The following CDK18 variants were observed in gnomAD, a reference collection of about 807,000 sequenced individuals.
The protein encoded by CDK18 is cyclin-dependent kinase 18.
A neutral mutation model predicts 62.0 loss-of-function variants in CDK18; 52 were observed. The ratio of observed to expected loss-of-function variants is 0.84; its 90% CI spans 0.67 to 1.06. The LOEUF (loss-of-function observed/expected upper bound fraction) is 1.06, where lower values mean the gene tolerates loss of function less well. Among genes scored for constraint, CDK18 ranks in the 50% least tolerant of loss-of-function variants. The pLI, the probability that CDK18 is intolerant of heterozygous loss-of-function variation, is 0.00. For synonymous variants in CDK18, 237 were observed against 247.0 expected, an observed-to-expected ratio of 0.96 and a Z score of 0.38; for missense variants, 604 against 619.9, an observed-to-expected ratio of 0.97 and a Z score of 0.27.
intron 15 of CDK18, among the ~76,000 whole-genome samples, chr1:205,531,131 A>G (rs978322750): frequency 2.0e-5 from 3 of 152,216 alleles, no homozygotes; most frequent in Non-Finnish European, 4.4e-5. Context: ...TTCATAGTCA[A>G]TGAAACTGAG....
Position 205,530,351 on chromosome 1 carries a change from T to G in CDK18, c.1312+2T>G. On this transcript the variant is annotated splice_donor_variant, in intron 14 of 15. Coordinates refer to ENST00000429964, the MANE Select transcript of CDK18 (RefSeq NM_212502.3). LOFTEE classifies it high-confidence loss of function. ...AGCGTGTGCACCAGCTTGAAGACAG[T>G]GAGTACTGGGGGTCCGGGAGCAGGG... 1 of 1,612,060 alleles carries G rather than the reference T, an allele frequency of 6.2e-7. No homozygotes were observed. The highest frequency in any genetic ancestry group is 8.5e-7 in the Non-Finnish European group (1 of 1,179,830).
chr1:205,517,727 A>G lies in CDK18; in HGVS notation c.-21-5420A>G, dbSNP rs1159605761. Among the ~76,000 whole-genome samples the G allele has an allele frequency of 3.3e-5, 5 of 151,696 alleles. No individual in the cohort carries two copies. The highest frequency in any genetic ancestry group is 7.4e-5 in the Non-Finnish European group (5 of 67,918). ...GCCTCCACCTTCAAAATATAGCCCA[A>G]ATCCAGCCACTTCTCACCATCTCCA... On this transcript the variant is annotated intron_variant, in intron 1 of 15. Coordinates refer to ENST00000429964, the MANE Select transcript of CDK18 (RefSeq NM_212502.3). This position sits in a 1 kb window ranked among gnomAD's most constrained non-coding sequence, Gnocchi z 4.1.
chr1:205,522,382 C>G (rs2102301762), intron 1 of CDK18: 1 of 152,204 alleles, frequency 6.6e-6, no homozygotes, highest in Non-Finnish European at 1.5e-5. Context: ...CTCATCTTCC[C>G]TAGGGCTCGA....
In CDK18 at chr1:205,527,911, G is replaced by C. The variant is rs1188802437; in HGVS notation, c.847G>C (p.Asp283His). 6.2e-7 allele frequency: 1 copy of C among 1,614,120 alleles called. No homozygotes were observed. ...CGAGAGGGGGGAGCTGAAGCTGGCCGACTTTGGTGAGGCTGGGGCTAGGGT... is the reference window on the plus strand; with the variant it reads ...CGAGAGGGGGGAGCTGAAGCTGGCCCACTTTGGTGAGGCTGGGGCTAGGGT... Reference protein sequence around the residue: ...INERGELKLADFGLARAKSVP... With the variant: ...INERGELKLAHFGLARAKSVP... The change falls in exon 9 of 16, where the codon GAC (aspartate) becomes CAC (histidine). Residue 283 changes from aspartate (D) to histidine (H), a missense_variant. Coordinates refer to ENST00000429964, the MANE Select transcript of CDK18 (RefSeq NM_212502.3). The surrounding 1 kb of genome is among the most constrained non-coding windows in gnomAD (Gnocchi z 4.1).
rs774791824 is a variant in CDK18, at chr1:205,528,190, C to T, written c.974+22C>T. On this transcript the variant is annotated intron_variant, in intron 10 of 15. Coordinates refer to ENST00000429964, the MANE Select transcript of CDK18 (RefSeq NM_212502.3). The surrounding 1 kb of genome is among the most constrained non-coding windows in gnomAD (Gnocchi z 4.2). ...TGTGGTGAGTGAGCACTGTGGGGAC[C>T]GAGGAGGGGAGGACAGGCCTGGCCA... is the stretch of plus-strand genomic sequence containing the variant. The T allele has an allele frequency of 4.3e-6, 7 of 1,612,068 alleles. No homozygotes were observed. Among genetic ancestry groups the T allele is most frequent in the South Asian group, 1.1e-5 (1 of 90,958 alleles).
intron 14 of CDK18, 138 bp from the exon 15 acceptor site, chr1:205,530,490 G>A: frequency 1.7e-6 from 2 of 1,190,620 alleles, no homozygotes; most frequent in East Asian, 2.4e-5. Context: ...CCCCTGCTGG[G>A]GTTCTCATTC....
chr1:205,517,816 G>T lies in CDK18; in HGVS notation c.-21-5331G>T, dbSNP rs1667897580. ...CCCTGGGCCTCAGCAGCAGCCTCCT[G>T]CCCGGGCTCCCTGCTCTCCCCTTGC... On this transcript the variant is annotated intron_variant, in intron 1 of 15. Coordinates refer to ENST00000429964, the MANE Select transcript of CDK18 (RefSeq NM_212502.3). The surrounding 1 kb of genome is among the most constrained non-coding windows in gnomAD (Gnocchi z 4.1). Among the ~76,000 whole-genome samples, 1 of 151,962 alleles carries T rather than the reference G, an allele frequency of 6.6e-6. No homozygotes were observed. The highest frequency in any genetic ancestry group is 1.9e-4 in the East Asian group (1 of 5,188).
intron 15 of CDK18, 80 bp downstream of exon 15, chr1:205,530,785 C>CT (rs1432479176): frequency 6.1e-6 from 7 of 1,139,554 alleles, no homozygotes; most frequent in Admixed American, 5.4e-5. Context: ...TGGGGACTCC[C>CT]ATGGTCCCCC....
In CDK18 at chr1:205,529,351, G is replaced by C. The variant is rs1668616670; in HGVS notation, c.1100G>C (p.Gly367Ala). The C allele has an allele frequency of 3.1e-6, 5 of 1,613,996 alleles. No homozygotes were observed. The highest frequency in any genetic ancestry group is 2.2e-5 in the East Asian group (1 of 44,864). The change falls in exon 12 of 16, where the codon GGC (glycine) becomes GCC (alanine). Residue 367 changes from glycine to alanine, a missense_variant. Transcript: ENST00000429964. ...LGTPTEETWP[G>A]VTAFSEFRTY... is the part of the protein sequence containing the mutation. ...ACCCCCACAGAAGAGACGTGGCCCG[G>C]CGTGACCGCCTTCTCTGAGTTCCGC...
intron 5 of CDK18, 73 bp from the exon 6 acceptor site, chr1:205,525,992 C>A: frequency 9.2e-7 from 1 of 1,091,146 alleles, no homozygotes; most frequent in Non-Finnish European, 1.4e-6. Flanking sequence ...GGCAGAGGCA[C>A]AAATGGGGAG....
rs1283476708 is a variant in CDK18 at position 205,530,719 on chromosome 1, C to G, written c.1390+14C>G. On this transcript the variant is annotated intron_variant, in intron 15 of 15. Coordinates refer to ENST00000429964, the MANE Select transcript of CDK18 (RefSeq NM_212502.3). ...TCCAGCAGCCAGGTAGGGGCTTGTG[C>G]TCTCCTGGACCCCTCCCCTTGTTAG... 6.2e-7 allele frequency: 1 copy of G among 1,609,216 alleles called. No homozygotes were observed. The highest frequency in any genetic ancestry group is 1.7e-5 in the Admixed American group (1 of 60,010).
In CDK18 at chr1:205,531,446, G is replaced by T. The variant is rs1668734253; in HGVS notation, c.*68G>T. ...GGAGCACAAATTCGGGTAGGATGGA[G>T]CCTGTGTGGCCCTCGGAGGACTGAA... On this transcript the variant is annotated 3_prime_UTR_variant, in exon 16 of 16. Transcript: ENST00000429964. The T allele has an allele frequency of 1.0e-5, 15 of 1,432,020 alleles. No homozygotes were observed. Among genetic ancestry groups the T allele is most frequent in the Non-Finnish European group, 1.4e-5 (14 of 1,013,574 alleles). The allele number at this position is 1,432,020 out of a possible 1,614,324, so 88.7% of individuals were successfully genotyped here. A position where few individuals can be genotyped will look rare whatever the true frequency, so the allele number is the denominator to read the frequency against.
Position 205,528,017 on chromosome 1 carries a change from G to A in CDK18, c.854-31G>A. The A allele has an allele frequency of 6.2e-7, 1 of 1,614,028 alleles. No individual in the cohort carries two copies. The highest frequency in any genetic ancestry group is 1.7e-5 in the Admixed American group (1 of 60,016). The stretch of plus-strand genomic sequence containing the variant: ...AGCAGTCAACCCCACAGCACCTGTG[G>A]ACAGAGGTCCAGTGACATGTCTGCC... On this transcript the variant is annotated intron_variant, in intron 9 of 15. Transcript: ENST00000429964. This position sits in a 1 kb window ranked among gnomAD's most constrained non-coding sequence, Gnocchi z 4.2.
At chr1:205,530,826 G>T in intron 15 of CDK18, 121 bp downstream of exon 15, 1 of 771,326 alleles carries the variant, frequency 1.3e-6, no homozygotes, top group East Asian at 2.7e-5. Flanking sequence ...ACTCTTTGGG[G>T]AGCAGAGAAG....
At chr1:205,525,469 T>C (rs1450207651) in intron 5 of CDK18, among the ~76,000 whole-genome samples, 1 of 152,128 alleles carries the variant, frequency 6.6e-6, no homozygotes, top group African/African-American at 2.4e-5. Context: ...CCTTCTTGCC[T>C]GGGTTCAAAA....
chr1:205,529,203 G>C (rs1005587987), intron 11 of CDK18, 107 bp downstream of exon 11: 4 of 1,344,050 alleles, frequency 3.0e-6, no homozygotes, highest in Admixed American at 2.1e-5. Flanking sequence ...CCTCTCTCCC[G>C]GGCGGGGACC....
At chr1:205,523,682 G>A in intron 3 of CDK18, 57 bp downstream of exon 3, 1 of 1,511,014 alleles carries the variant, frequency 6.6e-7, no homozygotes, top group Non-Finnish European at 8.9e-7. Flanking sequence ...ACAAGGGTGT[G>A]CACAGGAGGG....
At chr1:205,519,049 A>T (rs902160472) in intron 1 of CDK18, among the ~76,000 whole-genome samples, 2 of 152,142 alleles carry the variant, frequency 1.3e-5, no homozygotes, top group Non-Finnish European at 2.9e-5. Flanking sequence ...CCCTGGCACC[A>T]ATTGCACGGG....
chr1:205,523,612 G>A lies in CDK18; in HGVS notation c.260G>A (p.Arg87His), dbSNP rs368734289. The change falls in exon 3 of 16, where the codon CGC (arginine) becomes CAC (histidine). Residue 87 changes from arginine (R) to histidine (H), a missense_variant. Transcript: ENST00000429964. ...TTCCAGCGGCGGCAGAACCAGCGCC[G>A]CTTCTCCATGGAGGTAAGGGCCTCT... ...VQFQRRQNQRRFSMEDVSKRL... is the reference protein window; with the variant it reads ...VQFQRRQNQRHFSMEDVSKRL... 7.8e-5 allele frequency: 122 copies of A among 1,571,908 alleles called. 2 individuals are homozygous for A. The South Asian group carries it at 1.0e-3, about 13-fold the overall frequency.
Sources: gnomAD v4.1 joint callset for allele counts (sites outside exome capture counted in the v4.1 genomes callset) on GRCh38, gnomAD v4.1.1 for gene constraint, Gnocchi (gnomAD v3.1) non-coding constraint, MANE v1.5 for transcripts, NCBI Gene and HGNC (gene_info 2026-07-23, HGNC 2026-07-21) for gene names.